Variants in CNOT6 observed in about 807,000 individuals in gnomAD.
CNOT6 encodes CCR4-NOT transcription complex subunit 6.
CNOT6 carries 12 observed loss-of-function variants against 61.2 expected under a neutral mutation model. The ratio of observed to expected loss-of-function variants is 0.20; its 90% CI spans 0.13 to 0.32. CNOT6 has a LOEUF of 0.32. Among genes scored for constraint, CNOT6 ranks in the 10% least tolerant of loss-of-function variants. The probability of loss-of-function intolerance (pLI) is 1.00; values close to 1 mark genes in which losing one functional copy is unlikely to be tolerated. For synonymous variants in CNOT6, 225 were observed against 240.6 expected (o/e 0.94, Z 0.60); for missense variants, 405 against 663.9 (o/e 0.61, Z 4.28).
At chr5:180,568,079 C>T (rs541909161) in intron 9 of CNOT6, 76 bp downstream of exon 9, 2 of 1,435,732 alleles carry the variant, frequency 1.4e-6, no homozygotes, top group Non-Finnish European at 1.9e-6. Flanking sequence ...ACAGAAATTT[C>T]ATTGTGTATT....
intron 2 of CNOT6, among the ~76,000 whole-genome samples, chr5:180,532,506 AT>A (rs1561644578): frequency 6.6e-6 from 1 of 152,080 alleles, no homozygotes; most frequent in East Asian, 1.9e-4. Context: ...CCCTCAACCC[AT>A]GTTTTTTCTT....
At chr5:180,552,657 A>G (rs572931442) in intron 3 of CNOT6, among the ~76,000 whole-genome samples, 1 of 152,024 alleles carries the variant, frequency 6.6e-6, no homozygotes, top group African/African-American at 2.4e-5. Context: ...AAAAAAAAAA[A>G]AAATTGAAAA....
intron 1 of CNOT6, among the ~76,000 whole-genome samples, chr5:180,498,257 T>C (rs1350094536): frequency 6.6e-6 from 1 of 152,210 alleles, no homozygotes; most frequent in Non-Finnish European, 1.5e-5. Context: ...TATATTTTCT[T>C]GGTAACTTCA....
chr5:180,543,100 C>T (rs866489234), intron 2 of CNOT6, among the ~76,000 whole-genome samples: 1 of 151,956 alleles, frequency 6.6e-6, no homozygotes, highest in African/African-American at 2.4e-5. Context: ...ACTCTGCCGC[C>T]CAGGTTGGAG....
In CNOT6 at chr5:180,574,246, A is replaced by T. The variant is rs754104929; in HGVS notation, c.*46A>T. On this transcript the variant is annotated 3_prime_UTR_variant, in exon 12 of 12. Transcript: ENST00000261951. ...GCCTTGATTCACTTGTAAACTTGTGAAAATCTGAACATAGGGGAGTGAGGT... is the reference window on the plus strand; with the variant it reads ...GCCTTGATTCACTTGTAAACTTGTGTAAATCTGAACATAGGGGAGTGAGGT... The T allele has an allele frequency of 8.5e-6, 13 of 1,528,154 alleles. 1 individual carries two copies. In the Middle Eastern group the frequency reaches 1.9e-3, roughly 220 times the overall value. The allele number at this position is 1,528,154 out of a possible 1,614,324, so 94.7% of individuals were successfully genotyped here.
rs1757507415 is a variant in CNOT6 at position 180,513,772 on chromosome 5, A to G, written c.-2-15503A>G. On this transcript the variant is annotated intron_variant, in intron 1 of 11. Transcript: ENST00000261951. ...GGGTGGAGTGCAGTGGCGCGATCTC[A>G]GCTCACTGCAAGCTCCGCCTCCTGG... Among the ~76,000 whole-genome samples, 3 of 151,100 alleles carry G rather than the reference A, an allele frequency of 2.0e-5. No homozygotes were observed. In the South Asian group the frequency reaches 6.3e-4, roughly 32 times the overall value.
At chr5:180,558,059 A>C (rs1166473808) in intron 4 of CNOT6, among the ~76,000 whole-genome samples, 1 of 152,132 alleles carries the variant, frequency 6.6e-6, no homozygotes, top group Non-Finnish European at 1.5e-5. Flanking sequence ...TGTTTCATTG[A>C]TCTATGTGTC....
rs1179356539 is a variant in CNOT6 at position 180,575,160 on chromosome 5, C to T, written c.*960C>T. 1 of 152,660 alleles carries T rather than the reference C, an allele frequency of 6.6e-6. No individual in the cohort carries two copies. The highest frequency in any genetic ancestry group is 2.4e-5 in the African/African-American group (1 of 41,462). The allele number at this position is 152,660 out of a possible 1,614,324, so 9.5% of individuals were successfully genotyped here. A position where few individuals can be genotyped will look rare whatever the true frequency, so the allele number is the denominator to read the frequency against. The stretch of plus-strand genomic sequence containing the variant: ...CTGTGCCTGCCTAAATTTGTTCTCA[C>T]CAAGCACTGCCTGTGCATGCAGAGA... On this transcript the variant is annotated 3_prime_UTR_variant, in exon 12 of 12. Coordinates refer to ENST00000261951, the MANE Select transcript of CNOT6 (RefSeq NM_001370472.1).
At chr5:180,531,367 C>A (rs1042190712) in intron 2 of CNOT6, among the ~76,000 whole-genome samples, 1 of 150,718 alleles carries the variant, frequency 6.6e-6, no homozygotes, top group African/African-American at 2.5e-5. Flanking sequence ...CGGGCAGAGG[C>A]GCTCCTCACA....
rs1449545754 is a variant in CNOT6 at position 180,575,354 on chromosome 5, A to G, written c.*1154A>G. 1 of 151,692 alleles carries G rather than the reference A, an allele frequency of 6.6e-6. No individual in the cohort carries two copies. The highest frequency in any genetic ancestry group is 1.5e-5 in the Non-Finnish European group (1 of 67,942). The allele number at this position is 151,692 out of a possible 1,614,324, so 9.4% of individuals were successfully genotyped here. On this transcript the variant is annotated 3_prime_UTR_variant, in exon 12 of 12. Coordinates refer to ENST00000261951, the MANE Select transcript of CNOT6 (RefSeq NM_001370472.1). ...CCTGGATCTTTGCTCACCAGATCCA[A>G]GCACTGCTTCTCGGTGTCATTGCAG...
chr5:180,541,673 C>G (rs1214890935), intron 2 of CNOT6, among the ~76,000 whole-genome samples: 1 of 151,624 alleles, frequency 6.6e-6, no homozygotes, highest in Non-Finnish European at 1.5e-5. Flanking sequence ...AGGATGGTCT[C>G]GATCTCCTGA....
In CNOT6 at chr5:180,529,408, A is replaced by G. The variant is rs1362847882; in HGVS notation, c.112+20A>G. On this transcript the variant is annotated intron_variant, in intron 2 of 11. Coordinates refer to ENST00000261951, the MANE Select transcript of CNOT6 (RefSeq NM_001370472.1). ...TAAGTGGTAAGACATGGAAGCATGA[A>G]TTTATGGTATGGAAATTAAGATATG... 7.0e-7 allele frequency: 1 copy of G among 1,424,148 alleles called. No homozygotes were observed. Among genetic ancestry groups the G allele is most frequent in the Non-Finnish European group, 9.9e-7 (1 of 1,010,794 alleles). The allele number at this position is 1,424,148 out of a possible 1,614,324, so 88.2% of individuals were successfully genotyped here.
At chr5:180,519,833 C>CTTTTTTTTT (rs35658678) in intron 1 of CNOT6, among the ~76,000 whole-genome samples, 1 of 135,272 alleles carries the variant, frequency 7.4e-6, no homozygotes, top group African/African-American at 2.8e-5. Flanking sequence ...TATCCATTTG[C>CTTTTTTTTT]TTTTTTTTTT....
intron 1 of CNOT6, among the ~76,000 whole-genome samples, chr5:180,518,720 C>T (rs563980669): frequency 1.1e-3 from 167 of 152,282 alleles, no homozygotes; most frequent in African/African-American, 3.9e-3. Flanking sequence ...AGGCTGGTCT[C>T]GAACTTCTGA....
intron 6 of CNOT6, 21 bp downstream of exon 6, chr5:180,564,764 T>C: frequency 1.3e-6 from 2 of 1,580,584 alleles, no homozygotes; most frequent in Non-Finnish European, 1.7e-6. Context: ...TTTTATTTTT[T>C]AACTGTTATT....
At chr5:180,505,436 T>C (rs1168403453) in intron 1 of CNOT6, among the ~76,000 whole-genome samples, 2 of 148,036 alleles carry the variant, frequency 1.4e-5, no homozygotes, top group Non-Finnish European at 3.0e-5. Context: ...TTTTTGTATT[T>C]TTAGTAGAGA....
At position 180,565,936 on chromosome 5, in the gene CNOT6, C is replaced by G. The variant is rs960541944; in HGVS notation, c.676C>G (p.Gln226Glu). 6.2e-7 allele frequency: 1 copy of G among 1,613,888 alleles called. No homozygotes were observed. The highest frequency in any genetic ancestry group is 1.1e-5 in the South Asian group (1 of 91,060). ...GGACTACAGGAAAAAGGCCATTATT[C>G]AAGAAATCTTGAGCTGCAATGCTGA... ...NWDYRKKAII[Q>E]EILSCNADIV... Residue 226 changes from glutamine to glutamate, a missense_variant, in exon 7 of 12, where the codon CAA (glutamine) becomes GAA (glutamate). Gln to Glu is a conservative substitution (Grantham distance 29). Coordinates refer to ENST00000261951, the MANE Select transcript of CNOT6 (RefSeq NM_001370472.1).
chr5:180,549,740 T>C (rs1185424452), intron 2 of CNOT6, among the ~76,000 whole-genome samples, 191 bp from the exon 3 acceptor site: 1 of 152,308 alleles, frequency 6.6e-6, no homozygotes, highest in East Asian at 1.9e-4. Flanking sequence ...TTTAACCTGC[T>C]AAGTGAGGAG....
chr5:180,571,597 ACT>A (rs1412539104), intron 11 of CNOT6, among the ~76,000 whole-genome samples, 165 bp downstream of exon 11: 1 of 152,112 alleles, frequency 6.6e-6, no homozygotes, highest in Non-Finnish European at 1.5e-5. Flanking sequence ...ACAAGGTCTC[ACT>A]CTGTTACCCA....
Sources: gnomAD v4.1 joint callset for allele counts (sites outside exome capture counted in the v4.1 genomes callset) on GRCh38, gnomAD v4.1.1 for gene constraint, MANE v1.5 for transcripts, NCBI Gene and HGNC (gene_info 2026-07-23, HGNC 2026-07-21) for gene names.